PHF21A: variants seen among roughly 807,000 people sequenced by gnomAD.
PHF21A encodes the protein PHD finger protein 21A.
Under a neutral mutation model 82.5 loss-of-function variants are expected in PHF21A, and 11 were observed. The observed-to-expected ratio is 0.13, with a 90% confidence interval of 0.08 to 0.22. The LOEUF is 0.22. Among genes scored for constraint, PHF21A ranks in the 10% least tolerant of loss-of-function variants. PHF21A has a pLI of 1.00. For synonymous variants in PHF21A, 297 were observed against 302.8 expected (o/e 0.98, Z 0.20); for missense variants, 579 against 837.8 (o/e 0.69, Z 3.81).
intron 6 of PHF21A, among the ~76,000 whole-genome samples, chr11:45,998,378 A>G (rs2136930112): frequency 6.6e-6 from 1 of 152,364 alleles, no homozygotes; most frequent in Admixed American, 6.5e-5. Context: ...TTTGAAGACA[A>G]TATTAAATGA....
intron 6 of PHF21A, among the ~76,000 whole-genome samples, chr11:46,009,780 G>A (rs925409049): frequency 3.9e-5 from 6 of 152,136 alleles, no homozygotes; most frequent in Admixed American, 2.0e-4. Flanking sequence ...CTCGTTCATT[G>A]TTTTATGTGT....
At chr11:45,937,717 G>A (rs903096079) in intron 16 of PHF21A, among the ~76,000 whole-genome samples, 5 of 152,180 alleles carry the variant, frequency 3.3e-5, no homozygotes, top group African/African-American at 1.2e-4. Context: ...CTGACCTTAG[G>A]TGACCTGCCC....
intron 6 of PHF21A, among the ~76,000 whole-genome samples, chr11:45,992,144 T>C (rs959429128): frequency 6.6e-6 from 1 of 152,220 alleles, no homozygotes; most frequent in Admixed American, 6.5e-5. Flanking sequence ...TCTTTGCTGA[T>C]AGATAAAGCC....
chr11:45,934,119 G>A lies in PHF21A; in HGVS notation c.1895C>T (p.Ser632Phe), dbSNP rs373767892. 1 of 1,614,184 alleles carries A rather than the reference G, an allele frequency of 6.2e-7. No homozygotes were observed. The highest frequency in any genetic ancestry group is 1.3e-5 in the African/African-American group (1 of 75,048). ...AGTGGCCTCAGAGTCTACAGGTTTG[G>A]AGAGGTCGATGCCGTGGATGAGGCG... ...LIRLIHGIDL[S>F]KPVDSEATVG... The change falls in exon 19 of 19, where the codon TCC becomes TTC. Residue 632 changes from serine (S) to phenylalanine (F), a missense_variant. Transcript: ENST00000676320.
chr11:45,990,250 C>CT lies in PHF21A; in HGVS notation c.154-10285dup, dbSNP rs201187984. ...AAATCATTTATAGCATTTTCATCTT[C>CT]TTTTTTTTTTTTTTTTTTTTTTTTT... On this transcript the variant is annotated intron_variant, in intron 6 of 18. Transcript: ENST00000676320. 9.7e-3 allele frequency among the ~76,000 whole-genome samples: 545 copies of CT among 56,226 alleles called. 56 individuals are homozygous for CT. Among genetic ancestry groups the CT allele is most frequent in the African/African-American group, 0.023 (478 of 20,902 alleles). 36.9% of individuals were successfully genotyped at this position (56,226 alleles called of 152,430 possible). A position where few individuals can be genotyped will look rare whatever the true frequency, so the allele number is the denominator to read the frequency against.
chr11:46,029,149 C>T (rs78990218), intron 6 of PHF21A, among the ~76,000 whole-genome samples: 3,097 of 152,216 alleles, frequency 0.02, 38 homozygotes, highest in South Asian at 0.035. Context: ...AAGAAGTCAA[C>T]GATAACTTCT....
intron 1 of PHF21A, among the ~76,000 whole-genome samples, chr11:46,114,826 C>T (rs901343327): frequency 5.9e-5 from 9 of 152,114 alleles, no homozygotes; most frequent in African/African-American, 2.2e-4. Context: ...TTCTGCTGCT[C>T]CTTCTCCTCA....
At chr11:46,104,699 G>A (rs1402615106) in intron 1 of PHF21A, among the ~76,000 whole-genome samples, 2 of 152,180 alleles carry the variant, frequency 1.3e-5, no homozygotes, top group Non-Finnish European at 2.9e-5. Flanking sequence ...CAGCTATCAT[G>A]ATTGAGTGTC....
intron 6 of PHF21A, among the ~76,000 whole-genome samples, chr11:46,007,476 G>T (rs2095322170): frequency 6.6e-6 from 1 of 151,984 alleles, no homozygotes; most frequent in South Asian, 2.1e-4. Flanking sequence ...ACCATGTCCA[G>T]CTTATTTTTG....
intron 1 of PHF21A, chr11:46,119,633 C>T (rs949840590): frequency 6.6e-6 from 1 of 152,062 alleles, no homozygotes; most frequent in African/African-American, 2.4e-5. Context: ...GGGGTGCAAG[C>T]CACAGACAAA....
At chr11:46,067,888 A>G (rs1252468204) in intron 6 of PHF21A, among the ~76,000 whole-genome samples, 1 of 152,192 alleles carries the variant, frequency 6.6e-6, no homozygotes, top group Non-Finnish European at 1.5e-5. Flanking sequence ...ACCAAGTACC[A>G]TGAGTACACA....
At chr11:46,010,699 C>A (rs1002201548) in intron 6 of PHF21A, among the ~76,000 whole-genome samples, 2 of 152,178 alleles carry the variant, frequency 1.3e-5, no homozygotes, top group Admixed American at 1.3e-4. Context: ...AAAGCCTTGA[C>A]CCACAGAAGT....
chr11:46,062,547 T>A (rs2096548101), intron 6 of PHF21A, among the ~76,000 whole-genome samples: 1 of 152,192 alleles, frequency 6.6e-6, no homozygotes, highest in Non-Finnish European at 1.5e-5. Flanking sequence ...CTTTTACGGA[T>A]CTAGGGATCT....
intron 15 of PHF21A, among the ~76,000 whole-genome samples, chr11:45,943,354 T>C (rs2090729199): frequency 6.6e-6 from 1 of 152,084 alleles, no homozygotes; most frequent in African/African-American, 2.4e-5. Flanking sequence ...AATTTTTTAA[T>C]GTTTTGTAGA....
rs1254154215 is a variant in PHF21A, at chr11:46,035,420, C to CCAACCT, written c.153+41333_153+41334insAGGTTG. On this transcript the variant is annotated intron_variant, in intron 6 of 18. Coordinates refer to ENST00000676320, the MANE Select transcript of PHF21A (RefSeq NM_001352027.3). ...GACTAAACCTTCTAGTATGTTTTGA[C>CCAACCT]TCTGTTGGTTACTTCATTCACTTAA... is the stretch of plus-strand genomic sequence containing the variant. 3.0e-3 allele frequency among the ~76,000 whole-genome samples: 463 copies of CCAACCT among 152,320 alleles called. 3 individuals are homozygous for CCAACCT. The highest frequency in any genetic ancestry group is 0.011 in the African/African-American group (451 of 41,564).
Position 45,934,074 on chromosome 11 carries a change from C to T in PHF21A, c.1940G>A (p.Gly647Asp). The T allele has an allele frequency of 1.2e-6, 2 of 1,613,972 alleles. No homozygotes were observed. Among genetic ancestry groups the T allele is most frequent in the Non-Finnish European group, 8.5e-7 (1 of 1,179,966 alleles). Reference sequence around the variant, plus strand: ...ATTGGCAGGGGGGGTGCAGTCCGGGCCATTGGAGATGGCCCCCACAGTGGC... The same window carrying T: ...ATTGGCAGGGGGGGTGCAGTCCGGGTCATTGGAGATGGCCCCCACAGTGGC... ...SEATVGAISN[G>D]PDCTPPANAA... is the part of the protein sequence containing the mutation. The change falls in exon 19 of 19, where the codon GGC (glycine) becomes GAC (aspartate). Residue 647 changes from glycine (G) to aspartate (D), a missense_variant. Physicochemically the swap from Gly to Asp is moderately conservative, Grantham distance 94. This residue lies in a region of PHF21A where 157 missense variants were observed against 149.4 expected (regional missense o/e 1.05). Transcript: ENST00000676320.
chr11:46,102,419 AAAAGATCAAT>A (rs1273104695), intron 1 of PHF21A, among the ~76,000 whole-genome samples: 1 of 152,268 alleles, frequency 6.6e-6, no homozygotes, highest in Non-Finnish European at 1.5e-5. Context: ...AATGACATGT[AAAAGATCAAT>A]ATATAATAAG....
intron 7 of PHF21A, among the ~76,000 whole-genome samples, chr11:45,976,510 A>G (rs527321594): frequency 6.6e-6 from 1 of 152,322 alleles, no homozygotes; most frequent in South Asian, 2.1e-4. Context: ...TGCTCTTTGT[A>G]TACCAGAATC....
intron 6 of PHF21A, among the ~76,000 whole-genome samples, chr11:46,016,399 G>A (rs2095518458): frequency 6.6e-6 from 1 of 152,092 alleles, no homozygotes; most frequent in Admixed American, 6.5e-5. Context: ...CAACCACTCT[G>A]AATTATCTGC....
Sources: allele counts gnomAD v4.1 joint callset (sites outside exome capture counted in the v4.1 genomes callset), GRCh38; gene constraint gnomAD v4.1.1; regional missense constraint gnomAD v4.1.1; transcripts MANE v1.5; gene names NCBI Gene and HGNC (gene_info 2026-07-23, HGNC 2026-07-21).